The following RALYL variants were observed in gnomAD, a reference collection of about 807,000 sequenced individuals.
The protein encoded by RALYL is RNA-binding Raly-like protein.
RALYL carries 29 observed loss-of-function variants against 35.1 expected under a neutral mutation model. That is an observed-to-expected ratio of 0.83 (90% CI 0.61 to 1.13). RALYL has a LOEUF of 1.13. Among genes scored for constraint, RALYL ranks in the 50% most tolerant of loss-of-function variants. The pLI is 0.00. For synonymous variants in RALYL, 120 were observed against 127.6 expected, an observed-to-expected ratio of 0.94 and a Z score of 0.40; for missense variants, 359 against 360.4, an observed-to-expected ratio of 1.00 and a Z score of 0.03.
intron 1 of RALYL, among the ~76,000 whole-genome samples, chr8:84,207,116 C>G (rs1483972999): frequency 1.3e-5 from 2 of 151,834 alleles, no homozygotes; most frequent in Non-Finnish European, 2.9e-5. Context: ...GGAGATTACC[C>G]AAAAAATTAA....
At chr8:84,524,290 G>C (rs1409179646) in intron 1 of RALYL, among the ~76,000 whole-genome samples, 1 of 152,164 alleles carries the variant, frequency 6.6e-6, no homozygotes, top group Non-Finnish European at 1.5e-5. Flanking sequence ...AGTGGGCGAA[G>C]GACATGAACA....
intron 2 of RALYL, among the ~76,000 whole-genome samples, chr8:84,585,639 C>A (rs934824250): frequency 6.6e-6 from 1 of 152,122 alleles, no homozygotes; most frequent in Non-Finnish European, 1.5e-5. Context: ...TCTTAAACAA[C>A]ATAGGCAAAA....
At chr8:84,879,907 G>C (rs1001801702) in intron 7 of RALYL, among the ~76,000 whole-genome samples, 1 of 152,022 alleles carries the variant, frequency 6.6e-6, no homozygotes, top group Non-Finnish European at 1.5e-5. Flanking sequence ...GGAAGGCTTT[G>C]TTCAAGACTA....
intron 2 of RALYL, among the ~76,000 whole-genome samples, chr8:84,696,193 A>T (rs1839105348): frequency 6.6e-6 from 1 of 151,838 alleles, no homozygotes; most frequent in Non-Finnish European, 1.5e-5. Flanking sequence ...AAAAGACTGA[A>T]GTTAAGTTCA....
At chr8:84,422,457 T>C (rs2045762602) in intron 1 of RALYL, among the ~76,000 whole-genome samples, 1 of 121,878 alleles carries the variant, frequency 8.2e-6, no homozygotes, top group African/African-American at 3.4e-5. Context: ...TTATTAGTCT[T>C]GCTAGCGGTC....
At chr8:84,309,938 T>G (rs1842456484) in intron 1 of RALYL, among the ~76,000 whole-genome samples, 2 of 152,238 alleles carry the variant, frequency 1.3e-5, no homozygotes, top group Admixed American at 1.3e-4. Context: ...TTGAGCAGGC[T>G]TGTCCAGAAC....
At chr8:84,643,871 C>T (rs1048977744) in intron 2 of RALYL, among the ~76,000 whole-genome samples, 2 of 151,962 alleles carry the variant, frequency 1.3e-5, no homozygotes, top group Admixed American at 1.3e-4. Flanking sequence ...TATATCTTGT[C>T]CCAGTGGCTG....
chr8:84,833,641 C>CAA (rs548355814), intron 4 of RALYL, among the ~76,000 whole-genome samples: 4,287 of 70,442 alleles, frequency 0.061, 226 homozygotes, highest in African/African-American at 0.15. Context: ...GACTTCGTCT[C>CAA]AAAAAAAAAA....
At chr8:84,422,164 A>C (rs1396063189) in intron 1 of RALYL, among the ~76,000 whole-genome samples, 1 of 136,302 alleles carries the variant, frequency 7.3e-6, no homozygotes, top group Non-Finnish European at 1.6e-5. Context: ...TTCGGCTGTG[A>C]ATCTATCTGG....
chr8:84,414,014 G>A (rs1180545708), intron 1 of RALYL, among the ~76,000 whole-genome samples: 3 of 151,890 alleles, frequency 2.0e-5, no homozygotes, highest in Admixed American at 2.0e-4. Context: ...AGAACTTTTT[G>A]TTGAAATCAA....
chr8:84,509,203 G>T (rs1260386520), intron 1 of RALYL, among the ~76,000 whole-genome samples: 2 of 152,104 alleles, frequency 1.3e-5, no homozygotes, highest in Non-Finnish European at 2.9e-5. Context: ...GACCACTTGG[G>T]TTCATGCATT....
rs896745073 is a variant in RALYL at position 84,615,150 on chromosome 8, G to A, written c.256+85573G>A. On this transcript the variant is annotated intron_variant, in intron 2 of 8. Transcript: ENST00000521268. ...CATGAAGTTGCACTTTAAGATATTT[G>A]TAGTTTTTTACGGAAATATTTCTAA... 8.0e-4 allele frequency among the ~76,000 whole-genome samples: 121 copies of A among 151,582 alleles called. 2 individuals carry two copies. The highest frequency in any genetic ancestry group is 2.8e-3 in the African/African-American group (113 of 40,994).
chr8:84,437,817 C>T (rs2047904022), intron 1 of RALYL, among the ~76,000 whole-genome samples: 2 of 152,060 alleles, frequency 1.3e-5, no homozygotes, highest in East Asian at 1.9e-4. Flanking sequence ...CTTGCACCTG[C>T]TTTCATCATG....
chr8:84,608,891 A>G (rs1287308081), intron 2 of RALYL, among the ~76,000 whole-genome samples: 1 of 152,178 alleles, frequency 6.6e-6, no homozygotes, highest in Non-Finnish European at 1.5e-5. Context: ...ATGCTGCATA[A>G]GACCAAACCC....
chr8:84,896,625 T>A (rs1247154709), intron 8 of RALYL, among the ~76,000 whole-genome samples: 2 of 152,142 alleles, frequency 1.3e-5, no homozygotes, highest in Non-Finnish European at 2.9e-5. Flanking sequence ...CCACATCAGC[T>A]CTGTAGTTTC....
chr8:84,344,399 G>C (rs1328768905), intron 1 of RALYL, among the ~76,000 whole-genome samples: 1 of 151,812 alleles, frequency 6.6e-6, no homozygotes, highest in Non-Finnish European at 1.5e-5. Context: ...ATACTTTCAG[G>C]AGCTGGGCAG....
intron 3 of RALYL, among the ~76,000 whole-genome samples, chr8:84,800,268 G>C (rs916676027): frequency 6.6e-6 from 1 of 152,138 alleles, no homozygotes. Flanking sequence ...TCAAATCCCA[G>C]CTCAACCACT....
At chr8:84,213,663 T>C (rs1191024621) in intron 1 of RALYL, among the ~76,000 whole-genome samples, 3 of 152,198 alleles carry the variant, frequency 2.0e-5, no homozygotes, top group Non-Finnish European at 2.9e-5. Flanking sequence ...AAATACATGC[T>C]ACAGAATATG....
At chr8:84,190,026 C>T (rs527809775) in intron 1 of RALYL, among the ~76,000 whole-genome samples, 12 of 152,292 alleles carry the variant, frequency 7.9e-5, no homozygotes, top group Admixed American at 5.9e-4. Context: ...AGAGACGGTT[C>T]TCTGTCCTTA....
Sources: gnomAD v4.1 joint callset for allele counts (sites outside exome capture counted in the v4.1 genomes callset) on GRCh38, gnomAD v4.1.1 for gene constraint, MANE v1.5 for transcripts, NCBI Gene and HGNC (gene_info 2026-07-23, HGNC 2026-07-21) for gene names.